The following CAPN2 variants were observed in gnomAD, a reference collection of about 807,000 sequenced individuals.
CAPN2 encodes calpain 2, also known as calpain-2 catalytic subunit.
CAPN2 carries 92 observed loss-of-function variants against 102.3 expected under a neutral mutation model. The ratio of observed to expected loss-of-function variants is 0.90; its 90% CI spans 0.76 to 1.07. CAPN2 has a LOEUF of 1.07. Ranked by LOEUF, CAPN2 falls within the 50% of genes least tolerant of loss-of-function variation. CAPN2 has a pLI of 0.00. For missense variants in CAPN2, 800 were observed against 909.4 expected (o/e 0.88, Z 1.55); for synonymous variants, 340 against 355.4 (o/e 0.96, Z 0.49).
chr1:223,729,030 G>C (rs563402476), intron 2 of CAPN2, among the ~76,000 whole-genome samples: 1 of 152,092 alleles, frequency 6.6e-6, no homozygotes, highest in Non-Finnish European at 1.5e-5. Context: ...CTCCATTCTC[G>C]GTCCTTAACT....
upstream of CAPN2, among the ~76,000 whole-genome samples, chr1:223,709,937 C>G (rs1282659134): frequency 6.6e-6 from 1 of 152,166 alleles, no homozygotes; most frequent in East Asian, 1.9e-4. Flanking sequence ...GGTAACTATA[C>G]ATTGCTACAG....
rs1661012352 is a variant in CAPN2, at chr1:223,755,547, G to A, written c.1203G>A (p.Gly401=). The part of the protein sequence containing the change: ...LEEEDEDEED[G]ESGCTFLVGL... ...AGGAGGATGAGGACGAGGAGGATGG[G>A]GAGAGCGGCTGCACCTTCCTGGTGG... Residue 401 remains glycine (G), a synonymous_variant, in exon 10 of 21, where the codon GGG becomes GGA. Coordinates refer to ENST00000295006, the MANE Select transcript of CAPN2 (RefSeq NM_001748.5). The surrounding 1 kb of genome is among the most constrained non-coding windows in gnomAD (Gnocchi z 4.1). 1.2e-6 allele frequency: 2 copies of A among 1,613,978 alleles called. No homozygotes were observed. The highest frequency in any genetic ancestry group is 1.7e-5 in the Admixed American group (1 of 59,996).
chr1:223,705,908 T>A (rs1245176138), intron 1 of CAPN2, among the ~76,000 whole-genome samples: 1 of 151,964 alleles, frequency 6.6e-6, no homozygotes, highest in Non-Finnish European at 1.5e-5. Flanking sequence ...CTATGCAAAG[T>A]AGGTATTATT....
chr1:223,764,666 C>A (rs1661269971), intron 15 of CAPN2, among the ~76,000 whole-genome samples: 1 of 152,150 alleles, frequency 6.6e-6, no homozygotes, highest in African/African-American at 2.4e-5. Flanking sequence ...ATTGGCCAGG[C>A]TGGTCTTGAA....
intron 2 of CAPN2, among the ~76,000 whole-genome samples, chr1:223,718,779 C>A (rs1265399185): frequency 6.6e-6 from 1 of 152,216 alleles, no homozygotes; most frequent in African/African-American, 2.4e-5. Flanking sequence ...TACTCATATA[C>A]TCCTAATACC....
intron 1 of CAPN2, among the ~76,000 whole-genome samples, chr1:223,707,283 T>C (rs1214214438): frequency 6.6e-6 from 1 of 152,094 alleles, no homozygotes; most frequent in Admixed American, 6.6e-5. Context: ...TCTATCTCTC[T>C]CTCTCACTCC....
At chr1:223,752,611 C>G (rs183089080) in intron 8 of CAPN2, among the ~76,000 whole-genome samples, 185 bp from the exon 9 acceptor site, 4 of 152,334 alleles carry the variant, frequency 2.6e-5, no homozygotes, top group African/African-American at 7.2e-5. Flanking sequence ...AGTCACCCAG[C>G]TAGAAAGTTG....
chr1:223,746,916 C>A, intron 4 of CAPN2, 81 bp from the exon 5 acceptor site: 2 of 1,240,966 alleles, frequency 1.6e-6, no homozygotes, highest in Non-Finnish European at 2.2e-6. Flanking sequence ...CAAATCTAGA[C>A]GGTACTAGGG....
At chr1:223,711,415 T>C (rs1659724487), upstream of CAPN2, among the ~76,000 whole-genome samples, 1 of 152,178 alleles carries the variant, frequency 6.6e-6, no homozygotes, top group South Asian at 2.1e-4. Flanking sequence ...CTAAATGCTC[T>C]CTCCCTATAG....
chr1:223,730,010 CAAAAAAAAAAA>C (rs57382658), intron 2 of CAPN2, among the ~76,000 whole-genome samples: 3 of 79,058 alleles, frequency 3.8e-5, no homozygotes, highest in East Asian at 4.5e-4. Flanking sequence ...CCCAAAAAAC[CAAAAAAAAAAA>C]AAAAAAAAAA....
At chr1:223,773,618 C>T (rs1346002628) in intron 20 of CAPN2, among the ~76,000 whole-genome samples, 1 of 151,978 alleles carries the variant, frequency 6.6e-6, no homozygotes, top group Non-Finnish European at 1.5e-5. Context: ...TGCTTGAACC[C>T]GGGAGGCGGA....
chr1:223,751,926 T>C, intron 7 of CAPN2, 71 bp from the exon 8 acceptor site: 1 of 1,013,166 alleles, frequency 9.9e-7, no homozygotes. Flanking sequence ...GATGTCCCTC[T>C]TCCTCAACTC....
chr1:223,768,448 A>G (rs914995854), intron 16 of CAPN2, among the ~76,000 whole-genome samples: 5 of 152,044 alleles, frequency 3.3e-5, no homozygotes, highest in Admixed American at 6.5e-5. Context: ...TAAATAGGGA[A>G]TCCTTTCCCC....
chr1:223,759,455 C>T lies in CAPN2; in HGVS notation c.1503C>T (p.Val501=). Residue 501 remains valine (V), a synonymous_variant, in exon 12 of 21, where the codon GTC becomes GTT. Coordinates refer to ENST00000295006, the MANE Select transcript of CAPN2 (RefSeq NM_001748.5). This position sits in a 1 kb window ranked among gnomAD's most constrained non-coding sequence, Gnocchi z 4.6. ...AGGATGGGGATTTCTGCATCCGGGTCTTTTCTGAAAAGAAAGCTGACTACC... is the reference window on the plus strand; with the variant it reads ...AGGATGGGGATTTCTGCATCCGGGTTTTTTCTGAAAAGAAAGCTGACTACC... ...PNKDGDFCIR[V]FSEKKADYQA... is the part of the protein sequence containing the mutation. The T allele has an allele frequency of 6.2e-7, 1 of 1,614,102 alleles. No individual in the cohort carries two copies. Among genetic ancestry groups the T allele is most frequent in the Non-Finnish European group, 8.5e-7 (1 of 1,180,020 alleles).
chr1:223,734,339 G>A (rs1252955300), intron 2 of CAPN2, among the ~76,000 whole-genome samples: 1 of 152,106 alleles, frequency 6.6e-6, no homozygotes, highest in African/African-American at 2.4e-5. Flanking sequence ...ATGCTGGAGT[G>A]CAGTGTTGCT....
Position 223,717,928 on chromosome 1 carries a change from C to A in CAPN2, c.307+97C>A, listed in dbSNP as rs1321553713. 11 of 894,740 alleles carry A rather than the reference C, an allele frequency of 1.2e-5. No homozygotes were observed. In the East Asian group the frequency reaches 2.0e-4, roughly 16 times the overall value. 55.4% of individuals were successfully genotyped at this position (894,740 alleles called of 1,614,324 possible). Reference sequence around the variant, plus strand: ...CCTGTGGCTTCTCTCCCTTCCCAAGCAGCTTGGCAATTTCTATTTGCAGAG... The same window carrying A: ...CCTGTGGCTTCTCTCCCTTCCCAAGAAGCTTGGCAATTTCTATTTGCAGAG... On this transcript the variant is annotated intron_variant, in intron 2 of 20. Coordinates refer to ENST00000295006, the MANE Select transcript of CAPN2 (RefSeq NM_001748.5).
chr1:223,752,197 C>A, intron 8 of CAPN2, 126 bp downstream of exon 8: 1 of 657,702 alleles, frequency 1.5e-6, no homozygotes, highest in South Asian at 1.9e-5. Flanking sequence ...CGTGTGGGAT[C>A]CTGGTTTTGT....
At chr1:223,738,325 A>AT (rs1660518733) in intron 2 of CAPN2, among the ~76,000 whole-genome samples, 1 of 151,982 alleles carries the variant, frequency 6.6e-6, no homozygotes, top group Admixed American at 6.6e-5. Context: ...CACCTGGCTA[A>AT]TTTTTTAAAA....
chr1:223,712,509 T>C (rs907561727), upstream of CAPN2: 1 of 1,203,082 alleles, frequency 8.3e-7, no homozygotes, highest in Non-Finnish European at 1.0e-6. Flanking sequence ...TTCCCTCCGG[T>C]GAATCATCGC....
Sources: gnomAD v4.1 joint callset for allele counts (sites outside exome capture counted in the v4.1 genomes callset) on GRCh38, gnomAD v4.1.1 for gene constraint, Gnocchi (gnomAD v3.1) non-coding constraint, MANE v1.5 for transcripts, NCBI Gene and HGNC (gene_info 2026-07-23, HGNC 2026-07-21) for gene names.